The following FHIT variants were observed in gnomAD, a reference collection of about 807,000 sequenced individuals.
The protein encoded by FHIT is fragile histidine triad diadenosine triphosphatase, also known as bis(5'-adenosyl)-triphosphatase.
A neutral mutation model predicts 17.9 loss-of-function variants in FHIT; 19 were observed. The observed-to-expected ratio is 1.06, with a 90% CI of 0.74 to 1.56. FHIT has a LOEUF of 1.56. Ranked by LOEUF, FHIT falls within the 40% of genes most tolerant of loss-of-function variation. The pLI is 0.00. For missense variants in FHIT, 248 were observed against 189.2 expected (o/e 1.31, Z -1.82); for synonymous variants, 81 against 69.7 (o/e 1.16, Z -0.81).
chr3:60,595,263 A>C (rs2038226036), intron 4 of FHIT, among the ~76,000 whole-genome samples: 1 of 152,100 alleles, frequency 6.6e-6, no homozygotes, highest in Non-Finnish European at 1.5e-5. Flanking sequence ...GGCAGGCATC[A>C]AGAAAGTAGG....
intron 4 of FHIT, among the ~76,000 whole-genome samples, chr3:60,754,280 T>A (rs552747327): frequency 5.3e-5 from 8 of 152,334 alleles, no homozygotes; most frequent in African/African-American, 1.4e-4. Context: ...AATGTAAAGA[T>A]GATACTACTC....
intron 5 of FHIT, among the ~76,000 whole-genome samples, chr3:60,116,774 C>G (rs930753408): frequency 6.6e-6 from 1 of 152,094 alleles, no homozygotes; most frequent in Non-Finnish European, 1.5e-5. Context: ...CACACCATGA[C>G]GCAAATGACT....
chr3:61,105,194 G>A (rs930059741), intron 2 of FHIT, among the ~76,000 whole-genome samples: 2 of 151,934 alleles, frequency 1.3e-5, no homozygotes, highest in Non-Finnish European at 2.9e-5. Flanking sequence ...TCATCTTTGT[G>A]GGCTTATCTA....
chr3:60,289,350 G>C (rs1045454452), intron 5 of FHIT, among the ~76,000 whole-genome samples: 4 of 152,084 alleles, frequency 2.6e-5, no homozygotes, highest in African/African-American at 9.7e-5. Context: ...TTACAGAAGT[G>C]CTACATTAAA....
chr3:60,154,042 C>T (rs148961741), intron 5 of FHIT, among the ~76,000 whole-genome samples: 41 of 152,280 alleles, frequency 2.7e-4, no homozygotes, highest in African/African-American at 8.4e-4. Flanking sequence ...TGGAGAATAA[C>T]GAAGGCACCT....
chr3:60,951,660 G>A (rs797029965), intron 3 of FHIT, among the ~76,000 whole-genome samples: 3 of 152,262 alleles, frequency 2.0e-5, no homozygotes, highest in African/African-American at 4.8e-5. Flanking sequence ...CCAGCACAAC[G>A]CTCTCGGAGC....
intron 1 of FHIT, among the ~76,000 whole-genome samples, chr3:61,229,206 C>T (rs2040040910): frequency 6.6e-6 from 1 of 152,034 alleles, no homozygotes; most frequent in Admixed American, 6.6e-5. Flanking sequence ...TCTGGGTGAG[C>T]TCTAAATATA....
intron 5 of FHIT, among the ~76,000 whole-genome samples, chr3:60,195,617 T>C (rs991221648): frequency 2.1e-5 from 3 of 144,168 alleles, no homozygotes; most frequent in African/African-American, 7.6e-5. Flanking sequence ...GTATATATAA[T>C]TATATATATT....
intron 7 of FHIT, among the ~76,000 whole-genome samples, chr3:60,003,662 T>C (rs1043846333): frequency 6.6e-6 from 1 of 152,048 alleles, no homozygotes; most frequent in Admixed American, 6.6e-5. Flanking sequence ...GGAGGATTAT[T>C]TGAACCCGGG....
rs555242231 is a variant in FHIT at position 59,984,631 on chromosome 3, G to T, written c.279+26740C>A. ...ACCTTAGCACATATGAGAAGGGTGA[G>T]TCCCAGAGAATGGAACCAAGGCACA... On this transcript the variant is annotated intron_variant, in intron 7 of 9. Coordinates refer to ENST00000492590, the MANE Select transcript of FHIT (RefSeq NM_002012.4). Among the ~76,000 whole-genome samples the T allele has an allele frequency of 3.3e-5, 5 of 152,146 alleles. No individual in the cohort carries two copies. In the South Asian group the frequency reaches 8.3e-4, roughly 25 times the overall value.
At chr3:60,050,666 C>A (rs1701835500) in intron 5 of FHIT, among the ~76,000 whole-genome samples, 1 of 152,164 alleles carries the variant, frequency 6.6e-6, no homozygotes, top group African/African-American at 2.4e-5. Flanking sequence ...ACTCTCTATT[C>A]AAAAACTTCA....
intron 4 of FHIT, among the ~76,000 whole-genome samples, chr3:60,655,163 A>G (rs999438219): frequency 1.6e-4 from 25 of 152,218 alleles, no homozygotes; most frequent in African/African-American, 5.1e-4. Flanking sequence ...ATAAGTGTTA[A>G]CTAGCAATAT....
chr3:60,638,207 C>T (rs2039637716), intron 4 of FHIT, among the ~76,000 whole-genome samples: 1 of 152,116 alleles, frequency 6.6e-6, no homozygotes, highest in Non-Finnish European at 1.5e-5. Flanking sequence ...TATGGACAAC[C>T]TTTCAAAGTA....
At chr3:60,635,711 T>A (rs1451629632) in intron 4 of FHIT, among the ~76,000 whole-genome samples, 1 of 152,140 alleles carries the variant, frequency 6.6e-6, no homozygotes, top group African/African-American at 2.4e-5. Flanking sequence ...GCATAGTAAG[T>A]GGCCGAGTCA....
rs377496479 is a variant in FHIT at position 60,103,196 on chromosome 3, TGA to T, written c.104-89046_104-89045del. Among the ~76,000 whole-genome samples the T allele has an allele frequency of 9.2e-3, 1,395 of 152,268 alleles. 10 individuals are homozygous for T. The highest frequency in any genetic ancestry group is 0.012 in the Non-Finnish European group (834 of 68,014). ...AAGGAGACAGCTGTGTTTCTAGACT[TGA>T]CAGACTTGTTTTTACTTGATAAACA... is the stretch of plus-strand genomic sequence containing the variant. On this transcript the variant is annotated intron_variant, in intron 5 of 9. Transcript: ENST00000492590.
At chr3:59,968,600 G>A (rs1200631097) in intron 7 of FHIT, among the ~76,000 whole-genome samples, 1 of 152,036 alleles carries the variant, frequency 6.6e-6, no homozygotes, top group Admixed American at 6.6e-5. Flanking sequence ...TAATTCTGTG[G>A]TTTTATATCA....
At chr3:60,048,279 C>T (rs1413839919) in intron 5 of FHIT, among the ~76,000 whole-genome samples, 6 of 152,172 alleles carry the variant, frequency 3.9e-5, no homozygotes, top group African/African-American at 1.4e-4. Context: ...TGGGTTCAAG[C>T]TATTCTCCTG....
chr3:59,880,009 G>A (rs966307496), intron 8 of FHIT, among the ~76,000 whole-genome samples: 5 of 141,316 alleles, frequency 3.5e-5, no homozygotes, highest in South Asian at 4.5e-4. Context: ...GGAAATAGGA[G>A]GTAATCAAAG....
At chr3:61,191,480 A>G (rs2038714790) in intron 2 of FHIT, among the ~76,000 whole-genome samples, 1 of 152,148 alleles carries the variant, frequency 6.6e-6, no homozygotes, top group Non-Finnish European at 1.5e-5. Flanking sequence ...GGAACTTCTC[A>G]GCTTCCAGAA....
Sources: gnomAD v4.1 joint callset for allele counts (sites outside exome capture counted in the v4.1 genomes callset) on GRCh38, gnomAD v4.1.1 for gene constraint, MANE v1.5 for transcripts, NCBI Gene and HGNC (gene_info 2026-07-23, HGNC 2026-07-21) for gene names.